The following DPYD variants were observed in gnomAD, a reference collection of about 807,000 sequenced individuals.
DPYD encodes the protein dihydropyrimidine dehydrogenase [NADP(+)].
DPYD carries 109 observed loss-of-function variants against 116.2 expected under a neutral mutation model. The ratio of observed to expected loss-of-function variants is 0.94; its 90% confidence interval spans 0.80 to 1.10. The LOEUF (loss-of-function observed/expected upper bound fraction) is 1.10. Among genes scored for constraint, DPYD ranks in the 50% least tolerant of loss-of-function variants. The pLI is 0.00. For missense variants in DPYD, 1,302 were observed against 1,254.5 expected, an observed-to-expected ratio of 1.04 and a Z score of -0.57; for synonymous variants, 440 against 432.0, an observed-to-expected ratio of 1.02 and a Z score of -0.23.
At position 97,615,698 on chromosome 1, in the gene DPYD, T is replaced by C. The variant is rs547710119; in HGVS notation, c.851-20532A>G. 3.7e-4 allele frequency among the ~76,000 whole-genome samples: 57 copies of C among 152,270 alleles called. 1 individual carries two copies. In the South Asian group the frequency reaches 8.1e-3, roughly 22 times the overall value. On this transcript the variant is annotated intron_variant, in intron 8 of 22. Coordinates refer to ENST00000370192, the MANE Select transcript of DPYD (RefSeq NM_000110.4). ...TCTCTGTTGGTATCATTCCCCATCA[T>C]GCTGGCAGATAAGTTTTTCTAAAAT...
chr1:97,851,871 G>T (rs1670585516), intron 2 of DPYD, among the ~76,000 whole-genome samples: 1 of 151,746 alleles, frequency 6.6e-6, no homozygotes, highest in Admixed American at 6.6e-5. Context: ...AAAAGAAAAT[G>T]CTTAAAGCTT....
chr1:97,281,382 A>G (rs1257638425), intron 18 of DPYD, among the ~76,000 whole-genome samples: 1 of 151,908 alleles, frequency 6.6e-6, no homozygotes, highest in Admixed American at 6.6e-5. Flanking sequence ...CCAAAAGGAT[A>G]AAACAATTTG....
intron 8 of DPYD, among the ~76,000 whole-genome samples, chr1:97,660,366 T>C (rs1469836471): frequency 6.6e-6 from 1 of 152,172 alleles, no homozygotes; most frequent in African/African-American, 2.4e-5. Context: ...ATCTTAATTA[T>C]AAACAATAAA....
At chr1:97,795,299 C>T (rs1667509812) in intron 3 of DPYD, among the ~76,000 whole-genome samples, 1 of 151,998 alleles carries the variant, frequency 6.6e-6, no homozygotes, top group African/African-American at 2.4e-5. Context: ...ATTCATTCAA[C>T]AAATATGCCT....
At chr1:97,784,707 A>G (rs1015385920) in intron 3 of DPYD, among the ~76,000 whole-genome samples, 1 of 152,176 alleles carries the variant, frequency 6.6e-6, no homozygotes, top group African/African-American at 2.4e-5. Context: ...TCTTCTAACT[A>G]CTGTGAAAAA....
At chr1:97,769,075 A>G (rs1325959611) in intron 3 of DPYD, among the ~76,000 whole-genome samples, 9 of 152,138 alleles carry the variant, frequency 5.9e-5, no homozygotes, top group Non-Finnish European at 1.2e-4. Flanking sequence ...ATAACTTATA[A>G]GAGGACTTTC....
intron 1 of DPYD, among the ~76,000 whole-genome samples, chr1:97,905,578 G>A (rs1558044667): frequency 2.0e-5 from 3 of 151,974 alleles, no homozygotes; most frequent in South Asian, 2.1e-4. Flanking sequence ...CAAAGTGGCC[G>A]GCAAAGGACA....
intron 13 of DPYD, among the ~76,000 whole-genome samples, chr1:97,455,277 A>G (rs1319376536): frequency 6.6e-6 from 1 of 152,082 alleles, no homozygotes; most frequent in African/African-American, 2.4e-5. Flanking sequence ...AGTATAGTGT[A>G]TATCGCTATG....
intron 13 of DPYD, among the ~76,000 whole-genome samples, chr1:97,484,877 C>T (rs567358020): frequency 4.3e-4 from 65 of 152,028 alleles, no homozygotes; most frequent in Non-Finnish European, 8.7e-4. Flanking sequence ...ATTATTTTTC[C>T]GCTCACTGTA....
intron 20 of DPYD, among the ~76,000 whole-genome samples, chr1:97,105,804 A>G (rs889985386): frequency 6.6e-6 from 1 of 152,114 alleles, no homozygotes; most frequent in African/African-American, 2.4e-5. Flanking sequence ...GGTTAATACA[A>G]TCTTTACAGT....
intron 11 of DPYD, among the ~76,000 whole-genome samples, chr1:97,555,962 C>G (rs993985892): frequency 6.6e-6 from 1 of 152,202 alleles, no homozygotes; most frequent in Admixed American, 6.5e-5. Context: ...GCATTTGACT[C>G]CAAAGCTTCA....
At chr1:97,179,518 TG>T (rs1307465560) in intron 20 of DPYD, among the ~76,000 whole-genome samples, 2 of 152,080 alleles carry the variant, frequency 1.3e-5, no homozygotes, top group Non-Finnish European at 2.9e-5. Flanking sequence ...ACAAACGAAA[TG>T]CTTTAAAGAT....
At chr1:97,353,877 T>G (rs1440473317) in intron 16 of DPYD, among the ~76,000 whole-genome samples, 1 of 152,188 alleles carries the variant, frequency 6.6e-6, no homozygotes, top group Non-Finnish European at 1.5e-5. Flanking sequence ...AGCCAGGGAT[T>G]ACTTCTTTAA....
intron 4 of DPYD, among the ~76,000 whole-genome samples, chr1:97,733,034 T>C (rs941138756): frequency 3.3e-5 from 5 of 152,158 alleles, no homozygotes; most frequent in East Asian, 1.9e-4. Context: ...TACATATAGA[T>C]AGGTAGGACA....
At chr1:97,829,905 C>A (rs1386885773) in intron 2 of DPYD, among the ~76,000 whole-genome samples, 4 of 151,926 alleles carry the variant, frequency 2.6e-5, no homozygotes, top group Admixed American at 2.0e-4. Flanking sequence ...CTCAGCCCCC[C>A]ACCCCCAGAC....
chr1:97,398,349 T>A (rs903130976), intron 14 of DPYD, among the ~76,000 whole-genome samples: 2 of 152,194 alleles, frequency 1.3e-5, no homozygotes, highest in African/African-American at 2.4e-5. Flanking sequence ...TCTATCATTG[T>A]TGGACATTTG....
chr1:97,540,379 A>G (rs1650353321), intron 12 of DPYD, among the ~76,000 whole-genome samples: 1 of 150,648 alleles, frequency 6.6e-6, no homozygotes, highest in South Asian at 2.1e-4. Context: ...AAACAAAACA[A>G]AACAAAACAA....
chr1:97,108,145 G>A (rs978664687), intron 20 of DPYD, among the ~76,000 whole-genome samples: 4 of 152,136 alleles, frequency 2.6e-5, no homozygotes, highest in Non-Finnish European at 4.4e-5. Context: ...TCATCTTCAA[G>A]AAGCAATGCC....
chr1:97,831,672 T>C (rs976389501), intron 2 of DPYD, among the ~76,000 whole-genome samples: 5 of 151,704 alleles, frequency 3.3e-5, no homozygotes, highest in Admixed American at 3.3e-4. Context: ...ACCAATATAA[T>C]GGCATGAGAA....
Sources: gnomAD v4.1 joint callset for allele counts (sites outside exome capture counted in the v4.1 genomes callset) on GRCh38, gnomAD v4.1.1 for gene constraint, MANE v1.5 for transcripts, NCBI Gene and HGNC (gene_info 2026-07-23, HGNC 2026-07-21) for gene names.